ARFGEF1: variants seen among roughly 807,000 people sequenced by gnomAD.
ARFGEF1 encodes the protein brefeldin A-inhibited guanine nucleotide-exchange protein 1.
A neutral mutation model predicts 231.0 loss-of-function variants in ARFGEF1; 42 were observed. That is an observed-to-expected ratio of 0.18 (90% confidence interval 0.14 to 0.24). The LOEUF (loss-of-function observed/expected upper bound fraction) is 0.24. Among genes scored for constraint, ARFGEF1 ranks in the 10% least tolerant of loss-of-function variants. The probability of loss-of-function intolerance (pLI) is 1.00; values close to 1 mark genes in which losing one functional copy is unlikely to be tolerated. For missense variants in ARFGEF1, 1,345 were observed against 2,192.0 expected (o/e 0.61, Z 7.72); for synonymous variants, 710 against 732.3 (o/e 0.97, Z 0.49).
chr8:67,179,790 T>C, intron 5 of ARFGEF1: 1 of 1,009,762 alleles, frequency 9.9e-7, no homozygotes, highest in Non-Finnish European at 1.6e-6. Context: ...AACTTGTGCC[T>C]CTTCTTAGTA....
chr8:67,178,841 C>T (rs542982852), intron 5 of ARFGEF1, among the ~76,000 whole-genome samples: 3 of 152,182 alleles, frequency 2.0e-5, no homozygotes, highest in Non-Finnish European at 4.4e-5. Context: ...CATTCTGGGA[C>T]TTTGCCTTTG....
rs1172725923 is a variant in ARFGEF1, at chr8:67,219,575, C to T, written c.4209-15G>A. On this transcript the variant is annotated splice_polypyrimidine_tract_variant and intron_variant, in intron 29 of 38. Coordinates refer to ENST00000262215, the MANE Select transcript of ARFGEF1 (RefSeq NM_006421.5). ...CTGTTAAACCCCTAAAATGACAAAA[C>T]ACAATTAGAAAGCTGTAATACAAAA... 6.3e-7 allele frequency: 1 copy of T among 1,576,088 alleles called. No individual in the cohort carries two copies. Among genetic ancestry groups the T allele is most frequent in the African/African-American group, 1.4e-5 (1 of 73,442 alleles).
rs1218938612 is a variant in ARFGEF1, at chr8:67,198,919, A to T, written c.*15T>A. 2 of 1,610,146 alleles carry T rather than the reference A, an allele frequency of 1.2e-6. No individual in the cohort carries two copies. The highest frequency in any genetic ancestry group is 3.4e-5 in the Admixed American group (2 of 59,052). ...GCAGAGGGATGTAAATGCCAACAAA[A>T]ATATTAAGTTCCCATCATTGCTTGT... On this transcript the variant is annotated 3_prime_UTR_variant, in exon 39 of 39. Transcript: ENST00000262215.
At chr8:67,212,654 C>T (rs16933195) in intron 33 of ARFGEF1, among the ~76,000 whole-genome samples, 169 of 152,238 alleles carry the variant, frequency 1.1e-3, no homozygotes, top group African/African-American at 3.7e-3. Flanking sequence ...GTTATTCTGA[C>T]GTAACAGTCC....
Position 67,299,328 on chromosome 8 carries a change from C to T in ARFGEF1, c.340G>A (p.Gly114Ser). Residue 114 changes from glycine (G) to serine (S), a missense_variant, in exon 4 of 39, where the codon GGC becomes AGC. Physicochemically the swap from Gly to Ser is moderately conservative, Grantham distance 56. Transcript: ENST00000262215. Reference protein sequence around the residue: ...QKLIAYGHLTGNAPDSTTPGK... With the variant: ...QKLIAYGHLTSNAPDSTTPGK... Reference sequence around the variant, plus strand: ...GGTGTTGTACTATCTGGAGCATTGCCAGTCAAGTGCCCATAAGCAATAAGT... The same window carrying T: ...GGTGTTGTACTATCTGGAGCATTGCTAGTCAAGTGCCCATAAGCAATAAGT... The T allele has an allele frequency of 6.2e-7, 1 of 1,605,566 alleles. No homozygotes were observed. Among genetic ancestry groups the T allele is most frequent in the Non-Finnish European group, 8.5e-7 (1 of 1,177,980 alleles).
At chr8:67,175,209 T>C (rs537349039), downstream of ARFGEF1, 67 of 910,628 alleles carry the variant, frequency 7.4e-5, no homozygotes, top group Non-Finnish European at 1.1e-4. Context: ...TGAAATTAGG[T>C]TACTCATGTT....
chr8:67,281,197 T>C (rs1242820987), intron 7 of ARFGEF1, among the ~76,000 whole-genome samples: 1 of 152,040 alleles, frequency 6.6e-6, no homozygotes, highest in Non-Finnish European at 1.5e-5. Context: ...TGATGGAAAT[T>C]AGAGAAGACT....
downstream of ARFGEF1, among the ~76,000 whole-genome samples, chr8:67,197,349 GA>G (rs1238228763): frequency 6.6e-6 from 1 of 152,118 alleles, no homozygotes; most frequent in African/African-American, 2.4e-5. Context: ...CACTACTGGG[GA>G]GGGTGGAGTG....
At chr8:67,285,683 G>A (rs556217412) in intron 7 of ARFGEF1, among the ~76,000 whole-genome samples, 1 of 152,256 alleles carries the variant, frequency 6.6e-6, no homozygotes, top group Non-Finnish European at 1.5e-5. Flanking sequence ...ACCAACGGGG[G>A]TAACCTGTCA....
chr8:67,291,946 C>G lies in ARFGEF1; in HGVS notation c.817G>C (p.Asp273His). Residue 273 changes from aspartate (D) to histidine (H), a missense_variant, in exon 6 of 39, where the codon GAT (aspartate) becomes CAT (histidine). Asp to His is a moderately conservative substitution (Grantham distance 81). Around this residue, in one of 14 missense-constraint regions of ARFGEF1, gnomAD observed 398 missense variants for 463.2 expected, o/e 0.86. Transcript: ENST00000262215. ...GDLDLHTNDV[D>H]KSLQDDTEPE... is the part of the protein sequence containing the mutation. ...TCTGTGTCATCCTGAAGACTTTTATCTACATCATTTGTATGGAGGTCAAGG... is the reference window on the plus strand; with the variant it reads ...TCTGTGTCATCCTGAAGACTTTTATGTACATCATTTGTATGGAGGTCAAGG... 7 of 1,613,944 alleles carry G rather than the reference C, an allele frequency of 4.3e-6. No individual in the cohort carries two copies. The highest frequency in any genetic ancestry group is 5.9e-6 in the Non-Finnish European group (7 of 1,179,906).
At chr8:67,292,667 ATATC>A (rs1806059907) in intron 5 of ARFGEF1, among the ~76,000 whole-genome samples, 1 of 152,178 alleles carries the variant, frequency 6.6e-6, no homozygotes, top group African/African-American at 2.4e-5. Flanking sequence ...GAAAAAAACT[ATATC>A]TACAAATGTC....
chr8:67,328,763 CTGTT>C (rs937478654), intron 1 of ARFGEF1, among the ~76,000 whole-genome samples: 2 of 152,124 alleles, frequency 1.3e-5, no homozygotes, highest in African/African-American at 2.4e-5. Flanking sequence ...TATTTTTAAA[CTGTT>C]TGAATTGAGT....
At chr8:67,178,079 A>G (rs1832121016) in intron 5 of ARFGEF1, among the ~76,000 whole-genome samples, 2 of 152,218 alleles carry the variant, frequency 1.3e-5, no homozygotes, top group African/African-American at 4.8e-5. Flanking sequence ...GGCCTGGCAT[A>G]TAAGTTTTAT....
intron 22 of ARFGEF1, among the ~76,000 whole-genome samples, chr8:67,237,338 C>T (rs1475884227): frequency 6.6e-6 from 1 of 152,222 alleles, no homozygotes; most frequent in Non-Finnish European, 1.5e-5. Context: ...GAGGGACAGA[C>T]TGCATTGCTA....
At position 67,248,955 on chromosome 8, in the gene ARFGEF1, CTTTTT is replaced by C. The variant is rs112367908; in HGVS notation, c.2850+2339_2850+2343del. Among the ~76,000 whole-genome samples, 312 of 150,060 alleles carry C rather than the reference CTTTTT, an allele frequency of 2.1e-3. 23 individuals carry two copies. Among genetic ancestry groups the C allele is most frequent in the African/African-American group, 7.4e-3 (296 of 40,202 alleles). ...TGTATCTTGTTTCTAATAAGATAAA[CTTTTT>C]TTTGTCTTTGCTTTATCTTAAAAAG... On this transcript the variant is annotated intron_variant, in intron 19 of 38. Transcript: ENST00000262215.
chr8:67,306,667 T>C (rs754403410), intron 1 of ARFGEF1, among the ~76,000 whole-genome samples: 23 of 152,228 alleles, frequency 1.5e-4, no homozygotes, highest in Non-Finnish European at 2.4e-4. Flanking sequence ...ATTACATCAA[T>C]TTTGTCTTAT....
At chr8:67,320,250 A>T (rs7000949) in intron 1 of ARFGEF1, among the ~76,000 whole-genome samples, 42,728 of 136,602 alleles carry the variant, frequency 0.31, 7,596 homozygotes, top group African/African-American at 0.41. Flanking sequence ...AAAAAAAAAA[A>T]GTGCTCAACA....
intron 18 of ARFGEF1, 91 bp downstream of exon 18, chr8:67,253,360 A>C: frequency 1.1e-6 from 1 of 926,764 alleles, no homozygotes; most frequent in Non-Finnish European, 1.5e-6. Flanking sequence ...CTATAAATGC[A>C]AACCACCACA....
At chr8:67,335,263 G>A (rs1158460820) in intron 1 of ARFGEF1, among the ~76,000 whole-genome samples, 3 of 151,674 alleles carry the variant, frequency 2.0e-5, no homozygotes, top group Non-Finnish European at 2.9e-5. Context: ...CCGCCACTAC[G>A]ACTGGCTAAT....
Sources: gnomAD v4.1 joint callset for allele counts (sites outside exome capture counted in the v4.1 genomes callset) on GRCh38, gnomAD v4.1.1 for gene constraint, gnomAD v4.1.1 regional missense constraint, MANE v1.5 for transcripts, NCBI Gene and HGNC (gene_info 2026-07-23, HGNC 2026-07-21) for gene names.